CPQ: variants seen among roughly 807,000 people sequenced by gnomAD.
CPQ encodes the protein carboxypeptidase Q, also known as Ser-Met dipeptidase.
CPQ carries 37 observed loss-of-function variants against 45.7 expected under a neutral mutation model. The ratio of observed to expected loss-of-function variants is 0.81; its 90% confidence interval spans 0.62 to 1.07. CPQ has a LOEUF of 1.07. Among genes scored for constraint, CPQ ranks in the 50% least tolerant of loss-of-function variants. The pLI is 0.00. For synonymous variants in CPQ, 186 were observed against 205.8 expected, an observed-to-expected ratio of 0.90 and a Z score of 0.82; for missense variants, 537 against 572.9, an observed-to-expected ratio of 0.94 and a Z score of 0.64.
chr8:96,927,919 T>C (rs899775252), intron 4 of CPQ, among the ~76,000 whole-genome samples: 1 of 152,196 alleles, frequency 6.6e-6, no homozygotes, highest in Non-Finnish European at 1.5e-5. Flanking sequence ...TCTCTGGAAT[T>C]TAATTCTGGT....
In CPQ at chr8:97,022,997, A is replaced by ATATATATACTATACT. The variant is rs1809723387; in HGVS notation, c.962-6406_962-6405insTATATATACTATACT. On this transcript the variant is annotated intron_variant, in intron 5 of 7. Transcript: ENST00000220763. ...TATACTGTATATAGTATATATATAC[A>ATATATATACTATACT]GTATATATATACTATATATAGTATA... is the stretch of plus-strand genomic sequence containing the variant. 4.2e-5 allele frequency among the ~76,000 whole-genome samples: 6 copies of ATATATATACTATACT among 141,624 alleles called. No homozygotes were observed. In the South Asian group the frequency reaches 1.3e-3, roughly 31 times the overall value. 92.9% of individuals were successfully genotyped at this position (141,624 alleles called of 152,430 possible).
At chr8:97,002,035 T>C (rs1809292846) in intron 5 of CPQ, among the ~76,000 whole-genome samples, 2 of 152,128 alleles carry the variant, frequency 1.3e-5, no homozygotes, top group South Asian at 4.1e-4. Flanking sequence ...TTCTTCTAGA[T>C]TTTTTAGTTT....
chr8:96,978,462 C>T (rs1164549134), intron 5 of CPQ, among the ~76,000 whole-genome samples: 1 of 152,142 alleles, frequency 6.6e-6, no homozygotes, highest in African/African-American at 2.4e-5. Context: ...ATGAATATTG[C>T]TGTTGTTATT....
intron 1 of CPQ, chr8:96,659,148 C>G (rs1231451606): frequency 1.3e-5 from 2 of 152,146 alleles, no homozygotes; most frequent in Non-Finnish European, 2.9e-5. Context: ...TCTGTCTTTG[C>G]TCTTTTGTGG....
intron 7 of CPQ, among the ~76,000 whole-genome samples, chr8:97,128,795 G>T (rs903668486): frequency 1.3e-5 from 2 of 152,216 alleles, no homozygotes; most frequent in African/African-American, 2.4e-5. Context: ...CACTACTGTG[G>T]AAAGTAGAGG....
intron 1 of CPQ, among the ~76,000 whole-genome samples, chr8:96,735,116 TG>T (rs1809965767): frequency 6.6e-6 from 1 of 152,232 alleles, no homozygotes; most frequent in African/African-American, 2.4e-5. Flanking sequence ...AGGACCACTA[TG>T]TTTTTTTCAG....
chr8:96,693,201 G>A lies in CPQ; in HGVS notation c.-35+47799G>A, dbSNP rs141644148. 3.2e-3 allele frequency among the ~76,000 whole-genome samples: 494 copies of A among 152,024 alleles called. 4 individuals are homozygous for A. The highest frequency in any genetic ancestry group is 0.02 in the Middle Eastern group (6 of 294). On this transcript the variant is annotated intron_variant, in intron 1 of 7. Transcript: ENST00000220763. ...GCATGCCTACAGGATCTAGAAAATG[G>A]CCTCAGAAGTGCAAATCCAAGAGTT...
At chr8:96,982,567 T>C (rs1813921994) in intron 5 of CPQ, among the ~76,000 whole-genome samples, 1 of 152,170 alleles carries the variant, frequency 6.6e-6, no homozygotes, top group Admixed American at 6.5e-5. Context: ...GGCCTCAAAC[T>C]CCTGGACTCA....
intron 7 of CPQ, among the ~76,000 whole-genome samples, chr8:97,126,064 T>C (rs765931498): frequency 5.3e-5 from 8 of 152,158 alleles, no homozygotes; most frequent in Admixed American, 4.6e-4. Context: ...TATGTGTGTA[T>C]TCAGGGAGGT....
At chr8:96,925,761 C>A (rs1812866288) in intron 4 of CPQ, among the ~76,000 whole-genome samples, 1 of 150,868 alleles carries the variant, frequency 6.6e-6, no homozygotes, top group Non-Finnish European at 1.5e-5. Context: ...GCGATCTCAG[C>A]TCACTGCAAC....
At chr8:96,839,676 CA>C (rs903973678) in intron 3 of CPQ, among the ~76,000 whole-genome samples, 4 of 152,068 alleles carry the variant, frequency 2.6e-5, no homozygotes, top group African/African-American at 9.7e-5. Context: ...AGGTGAATTC[CA>C]TGTGTTTTTT....
intron 4 of CPQ, among the ~76,000 whole-genome samples, chr8:96,925,014 G>A (rs1289414633): frequency 6.6e-6 from 1 of 152,064 alleles, no homozygotes; most frequent in Non-Finnish European, 1.5e-5. Flanking sequence ...ACTAATATCT[G>A]GGAAATATTT....
intron 3 of CPQ, among the ~76,000 whole-genome samples, chr8:96,848,431 G>T (rs1423438008): frequency 1.3e-5 from 2 of 152,128 alleles, no homozygotes; most frequent in Non-Finnish European, 2.9e-5. Flanking sequence ...ACACAATTCA[G>T]AAAAATATCT....
chr8:96,772,102 G>A (rs949546977), intron 1 of CPQ, among the ~76,000 whole-genome samples: 1 of 152,062 alleles, frequency 6.6e-6, no homozygotes, highest in South Asian at 2.1e-4. Flanking sequence ...AATTTCTTTA[G>A]AAGAGAGATA....
chr8:96,992,132 T>C (rs920743241), intron 5 of CPQ, among the ~76,000 whole-genome samples: 10 of 152,358 alleles, frequency 6.6e-5, no homozygotes, highest in African/African-American at 2.4e-4. Flanking sequence ...TTTTCTTCTA[T>C]AATTTTCTTC....
At chr8:96,802,076 TTCTTTC>T in intron 2 of CPQ, among the ~76,000 whole-genome samples, 1 of 152,256 alleles carries the variant, frequency 6.6e-6, no homozygotes, top group South Asian at 2.1e-4. Context: ...AATCACCTCT[TTCTTTC>T]TCTTTATCTC....
At position 97,063,864 on chromosome 8, in the gene CPQ, C is replaced by T. The variant is rs372003703; in HGVS notation, c.1054-2145C>T. Among the ~76,000 whole-genome samples the T allele has an allele frequency of 3.8e-4, 58 of 152,032 alleles. 1 individual carries two copies. Among genetic ancestry groups the T allele is most frequent in the Middle Eastern group, 3.4e-3 (1 of 294 alleles). On this transcript the variant is annotated intron_variant, in intron 6 of 7. Transcript: ENST00000220763. The stretch of plus-strand genomic sequence containing the variant: ...ACCAATACCATGCTGTTTTGATTAC[C>T]GTAATCCTGTAGTATAATTTGAAGT...
intron 5 of CPQ, among the ~76,000 whole-genome samples, chr8:97,003,364 T>C (rs111275163): frequency 0.026 from 3,939 of 152,218 alleles, 79 homozygotes; most frequent in Non-Finnish European, 0.039. Flanking sequence ...GGTCTGTGTA[T>C]TTCAGTGTGT....
intron 3 of CPQ, among the ~76,000 whole-genome samples, chr8:96,847,424 G>T (rs1338146747): frequency 6.6e-6 from 1 of 151,974 alleles, no homozygotes; most frequent in Non-Finnish European, 1.5e-5. Context: ...CACTTCATGG[G>T]TTTTTAAAAA....
Sources: allele counts gnomAD v4.1 joint callset (sites outside exome capture counted in the v4.1 genomes callset), GRCh38; gene constraint gnomAD v4.1.1; transcripts MANE v1.5; gene names NCBI Gene and HGNC (gene_info 2026-07-23, HGNC 2026-07-21).